TTLL5: variants seen among roughly 807,000 people sequenced by gnomAD.
TTLL5 encodes the protein tubulin polyglutamylase TTLL5.
TTLL5 carries 132 observed loss-of-function variants against 168.4 expected under a neutral mutation model. The ratio of observed to expected loss-of-function variants is 0.78; its 90% CI spans 0.68 to 0.91. The LOEUF is 0.91. Among genes scored for constraint, TTLL5 ranks in the 40% least tolerant of loss-of-function variants. The probability of loss-of-function intolerance (pLI) is 0.00; values close to 1 mark genes in which losing one functional copy is unlikely to be tolerated. For synonymous variants in TTLL5, 546 were observed against 558.6 expected, an observed-to-expected ratio of 0.98 and a Z score of 0.32; for missense variants, 1,545 against 1,581.5, an observed-to-expected ratio of 0.98 and a Z score of 0.39.
At chr14:75,787,410 A>G (rs190132807) in intron 26 of TTLL5, among the ~76,000 whole-genome samples, 94 of 152,344 alleles carry the variant, frequency 6.2e-4, no homozygotes, top group Non-Finnish European at 2.9e-4. Context: ...CTTACAGATA[A>G]AGAGTAACTA....
intron 12 of TTLL5, among the ~76,000 whole-genome samples, chr14:75,731,296 T>A (rs954208609): frequency 6.6e-6 from 1 of 151,904 alleles, no homozygotes; most frequent in African/African-American, 2.4e-5. Context: ...TAAGCAGTTT[T>A]TTTGAGGGTC....
intron 31 of TTLL5, among the ~76,000 whole-genome samples, chr14:75,939,771 C>T (rs1420264109): frequency 6.6e-6 from 1 of 152,164 alleles, no homozygotes; most frequent in African/African-American, 2.4e-5. Context: ...ATCCAGCACC[C>T]TCTTTGACTC....
chr14:75,916,479 G>A (rs12881226), intron 31 of TTLL5, among the ~76,000 whole-genome samples: 132,361 of 152,070 alleles, frequency 0.87, 57,847 homozygotes, highest in African/African-American at 0.94. Flanking sequence ...CTGGTTCTAC[G>A]AAAAATAAAG....
At chr14:75,677,388 CTCTTTTTT>C (rs1884248521) in intron 3 of TTLL5, among the ~76,000 whole-genome samples, 1 of 135,330 alleles carries the variant, frequency 7.4e-6, no homozygotes, top group African/African-American at 2.7e-5. Flanking sequence ...CTCTCTCTCT[CTCTTTTTT>C]TTTTTTTTTT....
intron 31 of TTLL5, among the ~76,000 whole-genome samples, chr14:75,918,567 G>T (rs1189824119): frequency 6.6e-6 from 1 of 151,970 alleles, no homozygotes; most frequent in Non-Finnish European, 1.5e-5. Context: ...CATGTTTCTG[G>T]AAGTGTTTAA....
chr14:75,857,844 T>C (rs973511182), intron 28 of TTLL5, among the ~76,000 whole-genome samples: 4 of 151,838 alleles, frequency 2.6e-5, no homozygotes, highest in African/African-American at 4.8e-5. Context: ...AGAGATGGGG[T>C]TTCAACATGT....
chr14:75,886,343 A>G (rs1453393592), intron 30 of TTLL5, among the ~76,000 whole-genome samples: 1 of 152,178 alleles, frequency 6.6e-6, no homozygotes, highest in Non-Finnish European at 1.5e-5. Flanking sequence ...CTTTATGATA[A>G]TACTCAAGTT....
intron 29 of TTLL5, among the ~76,000 whole-genome samples, chr14:75,873,166 C>T (rs75279866): frequency 0.046 from 6,897 of 151,442 alleles, 219 homozygotes; most frequent in Non-Finnish European, 0.068. Context: ...CTCCGCCTCC[C>T]GGGTTCACGC....
intron 28 of TTLL5, among the ~76,000 whole-genome samples, chr14:75,826,073 C>T (rs755057966): frequency 2.0e-5 from 3 of 152,082 alleles, no homozygotes; most frequent in Admixed American, 6.5e-5. Flanking sequence ...GCTGGCTGGA[C>T]GTCATACCAG....
intron 9 of TTLL5, among the ~76,000 whole-genome samples, chr14:75,715,324 C>A (rs113173349): frequency 0.028 from 4,159 of 150,330 alleles, 74 homozygotes; most frequent in African/African-American, 0.05. Flanking sequence ...CCTGGCTACC[C>A]CTGGGCTGCA....
intron 31 of TTLL5, among the ~76,000 whole-genome samples, chr14:75,917,364 G>GT (rs35073358): frequency 2.0e-5 from 3 of 152,194 alleles, no homozygotes; most frequent in African/African-American, 4.8e-5. Flanking sequence ...CACCCAAGCA[G>GT]TTTTTTTCTA....
intron 17 of TTLL5, among the ~76,000 whole-genome samples, chr14:75,750,739 G>A (rs923534446): frequency 3.3e-5 from 5 of 151,606 alleles, no homozygotes; most frequent in African/African-American, 1.2e-4. Flanking sequence ...TATATACTAT[G>A]TTTTTTACTA....
intron 29 of TTLL5, among the ~76,000 whole-genome samples, chr14:75,866,661 CACTTAGATATCCA>C (rs2030544364): frequency 6.6e-6 from 1 of 152,200 alleles, no homozygotes; most frequent in South Asian, 2.1e-4. Flanking sequence ...CCAGTCAGAA[CACTTAGATATCCA>C]ACTTATTGAA....
intron 28 of TTLL5, among the ~76,000 whole-genome samples, chr14:75,844,175 C>T (rs1291456534): frequency 6.6e-6 from 1 of 152,142 alleles, no homozygotes; most frequent in Non-Finnish European, 1.5e-5. Flanking sequence ...GCCGCCTGGC[C>T]TGGCTCATTT....
chr14:75,840,496 T>C lies in TTLL5; in HGVS notation c.3326+20335T>C, dbSNP rs148554560. Among the ~76,000 whole-genome samples the C allele has an allele frequency of 2.2e-4, 34 of 152,238 alleles. No homozygotes were observed. In the East Asian group the frequency reaches 6.6e-3, roughly 29 times the overall value. On this transcript the variant is annotated intron_variant, in intron 28 of 31. Coordinates refer to ENST00000298832, the MANE Select transcript of TTLL5 (RefSeq NM_015072.5). ...AGTGAGAACATGCGGTGTTTGGCTT[T>C]CTGTTCCTCAGACACAGTCATTTTT...
At chr14:75,810,309 A>G (rs969189705) in intron 27 of TTLL5, among the ~76,000 whole-genome samples, 2 of 152,122 alleles carry the variant, frequency 1.3e-5, no homozygotes, top group African/African-American at 4.8e-5. Flanking sequence ...AGTTACTCCC[A>G]TGTTAAGCTC....
At chr14:75,790,636 C>T (rs1892643641) in intron 26 of TTLL5, among the ~76,000 whole-genome samples, 1 of 151,664 alleles carries the variant, frequency 6.6e-6, no homozygotes, top group South Asian at 2.1e-4. Flanking sequence ...CCACACCCAG[C>T]TAAGTTTTTG....
intron 31 of TTLL5, among the ~76,000 whole-genome samples, chr14:75,951,026 C>T (rs2034945876): frequency 6.6e-6 from 1 of 151,466 alleles, no homozygotes; most frequent in Admixed American, 6.6e-5. Context: ...TGGTGACTGT[C>T]CTGGATTTTC....
intron 28 of TTLL5, among the ~76,000 whole-genome samples, chr14:75,832,651 G>A (rs902736448): frequency 1.3e-5 from 2 of 152,078 alleles, no homozygotes; most frequent in East Asian, 1.9e-4. Context: ...ACACATGATT[G>A]GGTCTTTTCA....
Sources: allele counts gnomAD v4.1 joint callset (sites outside exome capture counted in the v4.1 genomes callset), GRCh38; gene constraint gnomAD v4.1.1; transcripts MANE v1.5; gene names NCBI Gene and HGNC (gene_info 2026-07-23, HGNC 2026-07-21).